The following CCDC38 variants were observed in gnomAD, a reference collection of about 807,000 sequenced individuals.
CCDC38 encodes the protein coiled-coil domain-containing protein 38.
CCDC38 carries 69 observed loss-of-function variants against 72.8 expected under a neutral mutation model. The observed-to-expected ratio is 0.95, with a 90% CI of 0.78 to 1.16. The LOEUF is 1.16. Ranked by LOEUF, CCDC38 falls within the 50% of genes most tolerant of loss-of-function variation. The pLI is 0.00. For synonymous variants in CCDC38, 201 were observed against 213.2 expected (o/e 0.94, Z 0.50); for missense variants, 626 against 638.9 (o/e 0.98, Z 0.22).
At chr12:95,919,185 C>T (rs188241678) in intron 2 of CCDC38, among the ~76,000 whole-genome samples, 203 of 152,316 alleles carry the variant, frequency 1.3e-3, no homozygotes, top group African/African-American at 4.8e-3. Context: ...CCCAGAATCA[C>T]AGCAGAGTCA....
At chr12:95,921,740 T>G (rs1460359294) in intron 2 of CCDC38, among the ~76,000 whole-genome samples, 1 of 85,094 alleles carries the variant, frequency 1.2e-5, no homozygotes, top group African/African-American at 6.1e-5. Flanking sequence ...GTTGACACCT[T>G]AAATCAGAGA....
At chr12:95,918,443 T>C (rs900119603) in intron 3 of CCDC38, among the ~76,000 whole-genome samples, 6 of 152,208 alleles carry the variant, frequency 3.9e-5, no homozygotes, top group African/African-American at 1.4e-4. Context: ...TTCTCTATAT[T>C]TCTTTGGCAC....
At chr12:95,868,341 AAAT>A (rs2079545759) in intron 15 of CCDC38, among the ~76,000 whole-genome samples, 1 of 152,208 alleles carries the variant, frequency 6.6e-6, no homozygotes, top group Non-Finnish European at 1.5e-5. Context: ...ATATATTAAA[AAAT>A]AATAATTTCA....
In CCDC38 at chr12:95,878,214, A is replaced by G. The variant is rs749716355; in HGVS notation, c.1275T>C (p.Ala425=). The G allele has an allele frequency of 3.1e-6, 5 of 1,612,892 alleles. No homozygotes were observed. The highest frequency in any genetic ancestry group is 3.4e-6 in the Non-Finnish European group (4 of 1,179,688). Residue 425 remains alanine (A), a synonymous_variant, in exon 13 of 16, where the codon GCT becomes GCC. Transcript: ENST00000344280. ...LFSFGEFNSD[A]QEILIDSLSK... is the part of the protein sequence containing the mutation. The stretch of plus-strand genomic sequence containing the variant: ...CCATAGGCAAAGAGTGATTTACCTG[A>G]GCATCTGAATTAAATTCTCCAAAGC...
At chr12:95,872,731 C>G (rs1266949384) in intron 13 of CCDC38, among the ~76,000 whole-genome samples, 2 of 152,202 alleles carry the variant, frequency 1.3e-5, no homozygotes, top group Non-Finnish European at 2.9e-5. Context: ...TGCGCCACCA[C>G]GCGCAGCTAA....
At chr12:95,891,479 G>A (rs1328915785) in intron 8 of CCDC38, among the ~76,000 whole-genome samples, 2 of 152,064 alleles carry the variant, frequency 1.3e-5, no homozygotes, top group Non-Finnish European at 2.9e-5. Context: ...CAGAGTAGCT[G>A]GGACTACAGG....
chr12:95,878,591 G>A (rs2079663297), intron 12 of CCDC38, among the ~76,000 whole-genome samples: 1 of 152,066 alleles, frequency 6.6e-6, no homozygotes, highest in African/African-American at 2.4e-5. Context: ...TACTTTTGTG[G>A]TTCCATTCGA....
chr12:95,905,858 C>A (rs12099928), intron 5 of CCDC38, among the ~76,000 whole-genome samples: 1 of 151,870 alleles, frequency 6.6e-6, no homozygotes. Context: ...TTTTTGATGG[C>A]AGGAAAAAAA....
chr12:95,890,479 G>A (rs1335421705), intron 9 of CCDC38, among the ~76,000 whole-genome samples: 1 of 152,228 alleles, frequency 6.6e-6, no homozygotes, highest in Non-Finnish European at 1.5e-5. Flanking sequence ...TCACCTCGTT[G>A]CAAATGGCCT....
Position 95,888,466 on chromosome 12 carries a change from C to CT in CCDC38, c.911dup (p.Lys305GlufsTer6). ...TCAAGTATATACTGTACTTTGATTTCTTTTTCTCTGGAGTGCGAGTCAGGC... is the reference window on the plus strand; with the variant it reads ...TCAAGTATATACTGTACTTTGATTTCTTTTTTCTCTGGAGTGCGAGTCAGGC... On this transcript the variant is annotated frameshift_variant, in exon 10 of 16. Coordinates refer to ENST00000344280, the MANE Select transcript of CCDC38 (RefSeq NM_182496.3). LOFTEE classifies it high-confidence loss of function. 1.2e-6 allele frequency: 2 copies of CT among 1,613,964 alleles called. No individual in the cohort carries two copies. The highest frequency in any genetic ancestry group is 1.7e-6 in the Non-Finnish European group (2 of 1,179,964).
chr12:95,906,393 C>T lies in CCDC38; in HGVS notation c.363G>A (p.Leu121=). 6.2e-7 allele frequency: 1 copy of T among 1,610,614 alleles called. No homozygotes were observed. The highest frequency in any genetic ancestry group is 1.1e-5 in the South Asian group (1 of 90,684). The part of the protein sequence containing the change: ...EFINDQRDRF[L]LEYALSTKRN... ...GAAAAGTTATTTTTACTACCTCGAG[C>T]AGAAACCTGTCTCTCTGGTCATTAA... Residue 121 remains leucine (L), a synonymous_variant, in exon 5 of 16, where the codon CTG becomes CTA. Transcript: ENST00000344280.
intron 2 of CCDC38, among the ~76,000 whole-genome samples, chr12:95,936,213 G>A (rs181684748): frequency 2.6e-4 from 40 of 152,140 alleles, no homozygotes; most frequent in Non-Finnish European, 5.4e-4. Flanking sequence ...CCTTGACTAT[G>A]ACAAATAATT....
intron 2 of CCDC38, chr12:95,933,687 G>A (rs932520965): frequency 3.3e-5 from 5 of 152,158 alleles, no homozygotes; most frequent in African/African-American, 1.2e-4. Flanking sequence ...AGGTATACAT[G>A]CAAAGAAACT....
intron 15 of CCDC38, among the ~76,000 whole-genome samples, chr12:95,869,088 A>C (rs1028142229): frequency 2.0e-5 from 3 of 152,226 alleles, no homozygotes; most frequent in Non-Finnish European, 4.4e-5. Context: ...GAGGGATGCA[A>C]ATGAACCTGT....
intron 1 of CCDC38, among the ~76,000 whole-genome samples, chr12:95,939,360 C>T (rs1045395511): frequency 6.6e-6 from 1 of 152,110 alleles, no homozygotes; most frequent in African/African-American, 2.4e-5. Flanking sequence ...TGAAATGGAA[C>T]CATTCAATGA....
intron 8 of CCDC38, among the ~76,000 whole-genome samples, chr12:95,891,405 G>A (rs2079825639): frequency 6.6e-6 from 1 of 152,134 alleles, no homozygotes; most frequent in East Asian, 1.9e-4. Context: ...GAGTTCAGTG[G>A]CACCATCACA....
chr12:95,926,230 G>C (rs2080269245), intron 2 of CCDC38, among the ~76,000 whole-genome samples: 1 of 149,902 alleles, frequency 6.7e-6, no homozygotes, highest in Non-Finnish European at 1.5e-5. Flanking sequence ...CCTGTTATTG[G>C]TCTATTCAGA....
At chr12:95,939,757 C>A (rs726869) in intron 1 of CCDC38, among the ~76,000 whole-genome samples, 88,174 of 151,958 alleles carry the variant, frequency 0.58, 26,920 homozygotes, top group East Asian at 0.92. Flanking sequence ...TCAAGTGAAC[C>A]CCATGCTGGT....
At chr12:95,927,193 C>T (rs1258820897) in intron 2 of CCDC38, among the ~76,000 whole-genome samples, 9 of 152,054 alleles carry the variant, frequency 5.9e-5, no homozygotes, top group African/African-American at 9.7e-5. Context: ...CTTTCTAGGT[C>T]GCTCAGGACT....
Sources: gnomAD v4.1 joint callset for allele counts (sites outside exome capture counted in the v4.1 genomes callset) on GRCh38, gnomAD v4.1.1 for gene constraint, MANE v1.5 for transcripts, NCBI Gene and HGNC (gene_info 2026-07-23, HGNC 2026-07-21) for gene names.